Variants in EMP2 observed in about 807,000 individuals in gnomAD.
EMP2 encodes the protein epithelial membrane protein 2.
Under a neutral mutation model 13.7 loss-of-function variants are expected in EMP2, and 19 were observed. The ratio of observed to expected loss-of-function variants is 1.38; its 90% CI spans 0.97 to 2.03. The LOEUF (loss-of-function observed/expected upper bound fraction) is 2.03, where lower values mean the gene tolerates loss of function less well. EMP2 is among the 30% of genes most tolerant of loss of function. EMP2 has a pLI of 0.00. For missense variants in EMP2, 253 were observed against 220.7 expected, an observed-to-expected ratio of 1.15 and a Z score of -0.93; for synonymous variants, 97 against 84.7, an observed-to-expected ratio of 1.15 and a Z score of -0.80.
rs1463677676 is a variant in EMP2, at chr16:10,530,505, G to A, written c.*2400C>T. Reference sequence around the variant, plus strand: ...GCACGAGGTCCCACACCCCATCCCAGGACAGCCCCCAGCATCCTGCTCCAA... The same window carrying A: ...GCACGAGGTCCCACACCCCATCCCAAGACAGCCCCCAGCATCCTGCTCCAA... On this transcript the variant is annotated 3_prime_UTR_variant, in exon 5 of 5. Coordinates refer to ENST00000359543, the MANE Select transcript of EMP2 (RefSeq NM_001424.6). 3.3e-5 allele frequency: 5 copies of A among 152,580 alleles called. No homozygotes were observed. Among genetic ancestry groups the A allele is most frequent in the African/African-American group, 1.2e-4 (5 of 41,406 alleles). The allele number at this position is 152,580 out of a possible 1,614,324, so 9.5% of individuals were successfully genotyped here.
At chr16:10,566,354 G>A (rs2050906782) in intron 1 of EMP2, among the ~76,000 whole-genome samples, 1 of 152,140 alleles carries the variant, frequency 6.6e-6, no homozygotes, top group African/African-American at 2.4e-5. Context: ...TGCCCCTAAA[G>A]TTCACAAATT....
chr16:10,534,927 G>A (rs2050635662), intron 4 of EMP2, among the ~76,000 whole-genome samples: 1 of 152,206 alleles, frequency 6.6e-6, no homozygotes, highest in African/African-American at 2.4e-5. Context: ...CTGGCCAGGG[G>A]CCAAGCGCGT....
chr16:10,576,518 T>C (rs2050985144), intron 1 of EMP2: 1 of 151,756 alleles, frequency 6.6e-6, no homozygotes, highest in Admixed American at 6.6e-5. Context: ...GATGGCGATT[T>C]TGCATCCTAG....
At chr16:10,561,501 G>A (rs1411060015) in intron 1 of EMP2, among the ~76,000 whole-genome samples, 1 of 152,090 alleles carries the variant, frequency 6.6e-6, no homozygotes, top group Non-Finnish European at 1.5e-5. Flanking sequence ...AGAGGTGGGA[G>A]GGCAACCAAG....
chr16:10,558,731 C>A (rs186049767), intron 1 of EMP2, among the ~76,000 whole-genome samples: 16 of 152,132 alleles, frequency 1.1e-4, no homozygotes, highest in African/African-American at 2.9e-4. Context: ...GAGCCCCATC[C>A]CCTGCTTGCT....
At chr16:10,549,123 A>T (rs975780920) in intron 1 of EMP2, among the ~76,000 whole-genome samples, 2 of 152,232 alleles carry the variant, frequency 1.3e-5, no homozygotes, top group Non-Finnish European at 2.9e-5. Flanking sequence ...CACCTTGGAC[A>T]GATATTATGA....
chr16:10,576,195 A>C (rs1411478891), intron 1 of EMP2, among the ~76,000 whole-genome samples: 1 of 152,182 alleles, frequency 6.6e-6, no homozygotes, highest in Non-Finnish European at 1.5e-5. Context: ...ATCAAGAAGA[A>C]GACATAATTA....
Position 10,570,193 on chromosome 16 carries a change from G to C in EMP2, c.-61+10356C>G, listed in dbSNP as rs534192452. On this transcript the variant is annotated intron_variant, in intron 1 of 4. Coordinates refer to ENST00000359543, the MANE Select transcript of EMP2 (RefSeq NM_001424.6). ...AGAGGAGAAAACCTGACTTAACTTA[G>C]GGCTAGAAAGTGTCCCTGAAAAAAT... is the stretch of plus-strand genomic sequence containing the variant. Among the ~76,000 whole-genome samples, 326 of 151,410 alleles carry C rather than the reference G, an allele frequency of 2.2e-3. 3 individuals carry two copies. Among genetic ancestry groups the C allele is most frequent in the Non-Finnish European group, 3.7e-3 (248 of 67,924 alleles).
chr16:10,532,977 G>A lies in EMP2; in HGVS notation c.432C>T (p.Ile144=), dbSNP rs778592498. 3 of 1,611,488 alleles carry A rather than the reference G, an allele frequency of 1.9e-6. No homozygotes were observed. The highest frequency in any genetic ancestry group is 3.3e-5 in the Admixed American group (2 of 59,728). Residue 144 remains isoleucine (I), a synonymous_variant, in exon 5 of 5, where the codon ATC becomes ATT. Transcript: ENST00000359543. ...TGCAGGCGAAGGCCACCCACGCCAG[G>A]ATGTAGGAGTAGCCGTAGCTGCCTT... ...TREGSYGYSY[I]LAWVAFACTF... is the part of the protein sequence containing the mutation.
intron 3 of EMP2, among the ~76,000 whole-genome samples, chr16:10,539,256 CT>C (rs34432425): frequency 0.39 from 59,377 of 151,762 alleles, 13,207 homozygotes; most frequent in East Asian, 0.56. Flanking sequence ...TTCTTTCTGT[CT>C]TTTTTTTCCT....
intron 1 of EMP2, among the ~76,000 whole-genome samples, chr16:10,570,673 C>T (rs28473170): frequency 0.052 from 7,878 of 151,794 alleles, 685 homozygotes; most frequent in African/African-American, 0.18. Flanking sequence ...GCTGGGATTA[C>T]AGGCATGAGC....
intron 1 of EMP2, among the ~76,000 whole-genome samples, chr16:10,560,334 A>G (rs1596378542): frequency 6.6e-6 from 1 of 152,070 alleles, no homozygotes; most frequent in Non-Finnish European, 1.5e-5. Context: ...AGCTCTTCCC[A>G]CCGCCGCACG....
rs1567213023 is a variant in EMP2 at position 10,579,707 on chromosome 16, T to TACACAC, written c.-61+841_-61+842insGTGTGT. ...ACACAGCTGAATTATAAGATCAAGGTGCACACACACACACACACACACACA... is the reference window on the plus strand; with the variant it reads ...ACACAGCTGAATTATAAGATCAAGGTACACACGCACACACACACACACACACACACA... On this transcript the variant is annotated intron_variant, in intron 1 of 4. Transcript: ENST00000359543. Among the ~76,000 whole-genome samples the TACACAC allele has an allele frequency of 9.3e-5, 4 of 42,870 alleles. 1 individual carries two copies. The highest frequency in any genetic ancestry group is 1.5e-4 in the Non-Finnish European group (4 of 26,218). The allele number at this position is 42,870 out of a possible 152,430, so 28.1% of individuals were successfully genotyped here.
Position 10,532,992 on chromosome 16 carries a change from G to C in EMP2, c.417C>G (p.Tyr139Ter). The part of the protein sequence containing the change: ...KFYPVTREGS[Y>*]GYSYILAWVA... The stretch of plus-strand genomic sequence containing the variant: ...CCCACGCCAGGATGTAGGAGTAGCC[G>C]TAGCTGCCTTCTCTGGTCACGGGAT... The change falls in exon 5 of 5, where the codon TAC (tyrosine) becomes TAG (stop). Residue 139 changes from tyrosine to a stop codon, truncating the protein, a stop_gained. Coordinates refer to ENST00000359543, the MANE Select transcript of EMP2 (RefSeq NM_001424.6). LOFTEE classifies it high-confidence loss of function. 1 of 1,611,992 alleles carries C rather than the reference G, an allele frequency of 6.2e-7. No homozygotes were observed. Among genetic ancestry groups the C allele is most frequent in the Non-Finnish European group, 8.5e-7 (1 of 1,179,186 alleles).
chr16:10,554,035 C>CTT lies in EMP2; in HGVS notation c.-60-6360_-60-6359dup, dbSNP rs34514394. Among the ~76,000 whole-genome samples, 511 of 138,112 alleles carry CTT rather than the reference C, an allele frequency of 3.7e-3. 2 individuals are homozygous for CTT. The highest frequency in any genetic ancestry group is 9.0e-3 in the African/African-American group (328 of 36,520). The allele number at this position is 138,112 out of a possible 152,430, so 90.6% of individuals were successfully genotyped here. On this transcript the variant is annotated intron_variant, in intron 1 of 4. Transcript: ENST00000359543. ...ATCAAAACCTTTTTTTTCTTTCTTTCTTTTTTTTTTTTTTGAGACGGAGTC... is the reference window on the plus strand; with the variant it reads ...ATCAAAACCTTTTTTTTCTTTCTTTCTTTTTTTTTTTTTTTTGAGACGGAGTC...
In EMP2 at chr16:10,538,070, G is replaced by A; in HGVS notation, c.174C>T (p.Tyr58=). The change falls in exon 4 of 5, where the codon TAC becomes TAT. Residue 58 remains tyrosine, a synonymous_variant. Coordinates refer to ENST00000359543, the MANE Select transcript of EMP2 (RefSeq NM_001424.6). ...CTVINDSFQE[Y]STLQAVQATM... ...TGGCCTGGACCGCCTGCAGCGTGGA[G>A]TACTCTGCGGGAAAAGGGCAGGGGC... is the stretch of plus-strand genomic sequence containing the variant. 6.2e-7 allele frequency: 1 copy of A among 1,613,668 alleles called. No individual in the cohort carries two copies. The highest frequency in any genetic ancestry group is 8.5e-7 in the Non-Finnish European group (1 of 1,179,930).
intron 1 of EMP2, chr16:10,577,985 C>G (rs933620917): frequency 6.9e-6 from 1 of 145,348 alleles, no homozygotes; most frequent in African/African-American, 2.5e-5. Context: ...CCCCCCCTCC[C>G]GGCAAAAGGA....
At chr16:10,573,036 G>A (rs902900950) in intron 1 of EMP2, among the ~76,000 whole-genome samples, 6 of 152,126 alleles carry the variant, frequency 3.9e-5, no homozygotes, top group African/African-American at 1.4e-4. Context: ...GTCAGCATGG[G>A]TTTATTTTGG....
chr16:10,537,380 G>A lies in EMP2; in HGVS notation c.316+548C>T, dbSNP rs534299705. Among the ~76,000 whole-genome samples, 328 of 152,274 alleles carry A rather than the reference G, an allele frequency of 2.2e-3. 2 individuals carry two copies. The highest frequency in any genetic ancestry group is 7.8e-3 in the African/African-American group (324 of 41,564). On this transcript the variant is annotated intron_variant, in intron 4 of 4. Coordinates refer to ENST00000359543, the MANE Select transcript of EMP2 (RefSeq NM_001424.6). ...GCAGCCAGCACAGGCCTGGTGCAAC[G>A]TGGGCACCTCTGTCACCCACCAGCT...
Sources: gnomAD v4.1 joint callset for allele counts (sites outside exome capture counted in the v4.1 genomes callset) on GRCh38, gnomAD v4.1.1 for gene constraint, MANE v1.5 for transcripts, NCBI Gene and HGNC (gene_info 2026-07-23, HGNC 2026-07-21) for gene names.